The following FUT8 variants were observed in gnomAD, a reference collection of about 807,000 sequenced individuals.
FUT8 encodes the protein alpha-(1,6)-fucosyltransferase.
FUT8 carries 29 observed loss-of-function variants against 71.3 expected under a neutral mutation model. That is an observed-to-expected ratio of 0.41 (90% CI 0.30 to 0.55). The LOEUF (loss-of-function observed/expected upper bound fraction) is 0.55, where lower values mean the gene tolerates loss of function less well. FUT8 is among the 20% of genes least tolerant of loss of function. The pLI, the probability that FUT8 is intolerant of heterozygous loss-of-function variation, is 0.34. For synonymous variants in FUT8, 254 were observed against 239.3 expected, an observed-to-expected ratio of 1.06 and a Z score of -0.57; for missense variants, 544 against 702.1, an observed-to-expected ratio of 0.77 and a Z score of 2.55.
chr14:65,551,595 C>T (rs1408109885), intron 2 of FUT8, among the ~76,000 whole-genome samples: 1 of 152,054 alleles, frequency 6.6e-6, no homozygotes, highest in Non-Finnish European at 1.5e-5. Flanking sequence ...TGGGAGAAAA[C>T]TGTTGCAGAT....
At chr14:65,710,966 A>C (rs1197369981) in intron 7 of FUT8, among the ~76,000 whole-genome samples, 1 of 152,058 alleles carries the variant, frequency 6.6e-6, no homozygotes, top group African/African-American at 2.4e-5. Flanking sequence ...TCTTTTTAAC[A>C]ATCAGTTCTG....
At chr14:65,681,633 G>A (rs1000328660) in intron 7 of FUT8, among the ~76,000 whole-genome samples, 4 of 152,072 alleles carry the variant, frequency 2.6e-5, no homozygotes, top group Non-Finnish European at 5.9e-5. Flanking sequence ...TAAAATCTCA[G>A]TTGTATGTGT....
intron 2 of FUT8, among the ~76,000 whole-genome samples, chr14:65,480,365 G>A (rs1292288639): frequency 7.1e-6 from 1 of 141,550 alleles, no homozygotes; most frequent in African/African-American, 2.6e-5. Context: ...CTGGAGTGCA[G>A]TGGCATGAAC....
the FUT8 span, among the ~76,000 whole-genome samples, chr14:65,398,741 CAAAG>C: frequency 6.7e-6 from 1 of 150,006 alleles, no homozygotes; most frequent in Non-Finnish European, 1.5e-5. Context: ...AAAAAAAAAA[CAAAG>C]AAACAAAAAC....
chr14:65,657,271 C>G (rs556945793), intron 6 of FUT8, among the ~76,000 whole-genome samples: 1 of 152,200 alleles, frequency 6.6e-6, no homozygotes, highest in African/African-American at 2.4e-5. Flanking sequence ...TTTGGGCGTT[C>G]CTCATAAAAG....
In FUT8 at chr14:65,472,160, G is replaced by A. The variant is rs1000146968; in HGVS notation, c.-228+16442G>A. On this transcript the variant is annotated intron_variant, in intron 2 of 10. Transcript: ENST00000673929. The surrounding 1 kb of genome is among the most constrained non-coding windows in gnomAD (Gnocchi z 4.4). ...TACAAGAAGTATGGCACCAGGATCGGCTTGTAGTGAGGGCCTTAGGCTACT... is the reference window on the plus strand; with the variant it reads ...TACAAGAAGTATGGCACCAGGATCGACTTGTAGTGAGGGCCTTAGGCTACT... Among the ~76,000 whole-genome samples, 3 of 152,160 alleles carry A rather than the reference G, an allele frequency of 2.0e-5. No homozygotes were observed. The highest frequency in any genetic ancestry group is 4.4e-5 in the Non-Finnish European group (3 of 68,034).
chr14:65,421,737 C>CCT (rs1359562624), intron 1 of FUT8, among the ~76,000 whole-genome samples: 13 of 37,826 alleles, frequency 3.4e-4, no homozygotes, highest in Non-Finnish European at 6.6e-4. Flanking sequence ...ACCCTTTAAC[C>CCT]CACCCCCCCC....
the FUT8 span, among the ~76,000 whole-genome samples, chr14:65,385,451 G>C: frequency 6.6e-6 from 1 of 152,216 alleles, no homozygotes; most frequent in East Asian, 1.9e-4. Flanking sequence ...ATATAGAAAA[G>C]GCTGTGAGAT....
chr14:65,700,247 A>G (rs566255734), intron 7 of FUT8, among the ~76,000 whole-genome samples: 2 of 152,196 alleles, frequency 1.3e-5, no homozygotes, highest in African/African-American at 2.4e-5. Context: ...AGGCCTGAAT[A>G]TTCATATTTT....
At chr14:65,591,572 A>G (rs1887687233) in intron 3 of FUT8, among the ~76,000 whole-genome samples, 1 of 152,146 alleles carries the variant, frequency 6.6e-6, no homozygotes, top group Admixed American at 6.5e-5. Flanking sequence ...CTGTTGGATG[A>G]AAGGCAGGTA....
the FUT8 span, among the ~76,000 whole-genome samples, chr14:65,377,506 T>C: frequency 6.6e-6 from 1 of 152,236 alleles, no homozygotes; most frequent in Admixed American, 6.5e-5. Flanking sequence ...ATTTTGGAAT[T>C]CTTTCCAATT....
chr14:65,523,513 A>G lies in FUT8; in HGVS notation c.-227-37824A>G, dbSNP rs527737280. On this transcript the variant is annotated intron_variant, in intron 2 of 10. Coordinates refer to ENST00000673929, the MANE Select transcript of FUT8 (RefSeq NM_001371533.1). ...GGGTAGATTGCAAAAATTTTCTCCC[A>G]TTCTGTAGGTTGCCTGTTCACTCTG... Among the ~76,000 whole-genome samples, 51 of 152,210 alleles carry G rather than the reference A, an allele frequency of 3.4e-4. No homozygotes were observed. In the South Asian group the frequency reaches 8.1e-3, roughly 24 times the overall value.
At chr14:65,608,573 A>G (rs1201131574) in intron 3 of FUT8, among the ~76,000 whole-genome samples, 1 of 151,952 alleles carries the variant, frequency 6.6e-6, no homozygotes, top group Non-Finnish European at 1.5e-5. Flanking sequence ...GGGTATTAGA[A>G]TGGTACCTTT....
Position 65,413,551 on chromosome 14 carries a change from G to A in FUT8, c.-326+337G>A, listed in dbSNP as rs1231314521. On this transcript the variant is annotated intron_variant, in intron 1 of 10. Coordinates refer to ENST00000673929, the MANE Select transcript of FUT8 (RefSeq NM_001371533.1). This position sits in a 1 kb window ranked among gnomAD's most constrained non-coding sequence, Gnocchi z 4.1. ...CTAGGGAAGGAGAAGGGTTGGGGGC[G>A]GGGGTGGGAGGTGTCCGTCGTTTCC... Among the ~76,000 whole-genome samples, 1 of 152,156 alleles carries A rather than the reference G, an allele frequency of 6.6e-6. No individual in the cohort carries two copies. The highest frequency in any genetic ancestry group is 1.5e-5 in the Non-Finnish European group (1 of 68,024).
At chr14:65,664,021 T>C (rs559638887) in intron 6 of FUT8, among the ~76,000 whole-genome samples, 13 of 152,216 alleles carry the variant, frequency 8.5e-5, no homozygotes, top group Middle Eastern at 3.4e-3. Context: ...AAATTGGGTG[T>C]TAGGTATATG....
Position 65,524,457 on chromosome 14 carries a change from G to C in FUT8, c.-227-36880G>C, listed in dbSNP as rs77050421. Among the ~76,000 whole-genome samples, 292 of 152,162 alleles carry C rather than the reference G, an allele frequency of 1.9e-3. 1 individual carries two copies. The highest frequency in any genetic ancestry group is 6.8e-3 in the Middle Eastern group (2 of 294). The stretch of plus-strand genomic sequence containing the variant: ...AGACTTTGCTGAAGTTGCTTATCAG[G>C]TTAAGGAGATTTTGGGCTGAGACAA... On this transcript the variant is annotated intron_variant, in intron 2 of 10. Coordinates refer to ENST00000673929, the MANE Select transcript of FUT8 (RefSeq NM_001371533.1).
At chr14:65,540,724 A>G (rs1325637900) in intron 2 of FUT8, among the ~76,000 whole-genome samples, 1 of 152,248 alleles carries the variant, frequency 6.6e-6, no homozygotes, top group East Asian at 1.9e-4. Context: ...CACTGTTGAG[A>G]TGGAATGGTT....
intron 2 of FUT8, among the ~76,000 whole-genome samples, chr14:65,559,127 G>A (rs1243259333): frequency 6.6e-6 from 1 of 152,036 alleles, no homozygotes; most frequent in African/African-American, 2.4e-5. Flanking sequence ...TAATCCCAAG[G>A]AAAATGTTTC....
chr14:65,559,371 C>T (rs1337207153), intron 2 of FUT8, among the ~76,000 whole-genome samples: 1 of 152,068 alleles, frequency 6.6e-6, no homozygotes, highest in Non-Finnish European at 1.5e-5. Flanking sequence ...ATCTACATAG[C>T]ATTTACGTTG....
Sources: allele counts gnomAD v4.1 joint callset (sites outside exome capture counted in the v4.1 genomes callset), GRCh38; gene constraint gnomAD v4.1.1; non-coding constraint Gnocchi (gnomAD v3.1); transcripts MANE v1.5; gene names NCBI Gene and HGNC (gene_info 2026-07-23, HGNC 2026-07-21).